EDARADD: variants seen among roughly 807,000 people sequenced by gnomAD.
The protein encoded by EDARADD is EDAR associated via death domain, also known as ectodysplasin-A receptor-associated adapter protein.
EDARADD carries 20 observed loss-of-function variants against 25.6 expected under a neutral mutation model. The ratio of observed to expected loss-of-function variants is 0.78; its 90% CI spans 0.55 to 1.14. EDARADD has a LOEUF of 1.14. Among genes scored for constraint, EDARADD ranks in the 50% most tolerant of loss-of-function variants. The pLI, the probability that EDARADD is intolerant of heterozygous loss-of-function variation, is 0.00. For synonymous variants in EDARADD, 86 were observed against 94.4 expected (o/e 0.91, Z 0.52); for missense variants, 225 against 270.1 (o/e 0.83, Z 1.17).
chr1:236,393,278 C>T (rs1667449631), upstream of EDARADD, among the ~76,000 whole-genome samples: 1 of 151,062 alleles, frequency 6.6e-6, no homozygotes. Flanking sequence ...GGAGGTCACT[C>T]AAAGAGCAGT....
At chr1:236,414,198 C>G in intron 2 of EDARADD, 62 bp from the exon 3 acceptor site, 1 of 1,424,546 alleles carries the variant, frequency 7.0e-7, no homozygotes, top group Non-Finnish European at 9.9e-7. Context: ...ACAAAGCTTT[C>G]TTTTCACTTT....
upstream of EDARADD, among the ~76,000 whole-genome samples, chr1:236,392,167 C>A (rs1290689371): frequency 1.3e-5 from 2 of 152,138 alleles, no homozygotes; most frequent in Non-Finnish European, 2.9e-5. Flanking sequence ...CCAATCAATC[C>A]ATTGCTCCAT....
intron 3 of EDARADD, among the ~76,000 whole-genome samples, chr1:236,352,719 G>T (rs1166926147): frequency 1.3e-5 from 2 of 152,152 alleles, no homozygotes; most frequent in African/African-American, 2.4e-5. Flanking sequence ...GTGGTGGTGG[G>T]CACCTGTAAT....
intron 4 of EDARADD, among the ~76,000 whole-genome samples, chr1:236,445,077 C>A (rs1433615736): frequency 6.6e-6 from 1 of 151,866 alleles, no homozygotes; most frequent in Non-Finnish European, 1.5e-5. Flanking sequence ...ATCTTGTATC[C>A]TGCCACTCTG....
chr1:236,444,016 G>C (rs558024553), intron 4 of EDARADD, among the ~76,000 whole-genome samples: 1 of 152,124 alleles, frequency 6.6e-6, no homozygotes, highest in Non-Finnish European at 1.5e-5. Context: ...TGAGCAGTCA[G>C]CAGCCATCAG....
At position 236,476,413 on chromosome 1, in the gene EDARADD, A is replaced by G. The variant is rs182161725; in HGVS notation, c.266-5854A>G. On this transcript the variant is annotated intron_variant, in intron 5 of 5. Transcript: ENST00000334232. ...AAAAAATGTATATTTTAGGCCAGGC[A>G]CAGGGCTCACACCTGTAATCCCAGC... Among the ~76,000 whole-genome samples the G allele has an allele frequency of 5.9e-5, 9 of 152,218 alleles. No homozygotes were observed. The East Asian group carries it at 1.6e-3, about 26-fold the overall frequency.
intron 3 of EDARADD, among the ~76,000 whole-genome samples, chr1:236,381,559 A>G (rs973616851): frequency 3.3e-5 from 5 of 151,768 alleles, no homozygotes; most frequent in South Asian, 2.1e-4. Flanking sequence ...AATTGTTTTC[A>G]TTAGTTTTAT....
At chr1:236,358,697 A>C (rs1667011681) in intron 3 of EDARADD, among the ~76,000 whole-genome samples, 2 of 152,266 alleles carry the variant, frequency 1.3e-5, no homozygotes, top group South Asian at 4.1e-4. Context: ...GAGTTTCTTA[A>C]TCTTGAGTTC....
chr1:236,358,542 C>T (rs1457255792), intron 3 of EDARADD, among the ~76,000 whole-genome samples: 1 of 152,196 alleles, frequency 6.6e-6, no homozygotes, highest in Non-Finnish European at 1.5e-5. Flanking sequence ...ACAGCTTTAG[C>T]TGCATCCCAG....
At chr1:236,405,072 C>CTG (rs781091159) in intron 1 of EDARADD, among the ~76,000 whole-genome samples, 37 of 151,562 alleles carry the variant, frequency 2.4e-4, no homozygotes, top group Non-Finnish European at 5.2e-4. Context: ...CCAGCCTGGG[C>CTG]GACAGAGTGA....
At chr1:236,452,532 A>C (rs1658743381) in intron 4 of EDARADD, among the ~76,000 whole-genome samples, 1 of 151,884 alleles carries the variant, frequency 6.6e-6, no homozygotes, top group Non-Finnish European at 1.5e-5. Context: ...CTGCCATGTA[A>C]GACGTGCCCT....
upstream of EDARADD, among the ~76,000 whole-genome samples, chr1:236,392,046 C>T (rs1024141717): frequency 6.6e-6 from 1 of 152,132 alleles, no homozygotes; most frequent in Non-Finnish European, 1.5e-5. Flanking sequence ...CTCTTTTGAC[C>T]ACAAACTCCT....
At chr1:236,434,814 G>A (rs1288136719) in intron 4 of EDARADD, among the ~76,000 whole-genome samples, 1 of 152,160 alleles carries the variant, frequency 6.6e-6, no homozygotes, top group South Asian at 2.1e-4. Flanking sequence ...GGGATTTTCA[G>A]TGATTTTCTC....
In EDARADD at chr1:236,397,114, G is replaced by A. The variant is rs115800328; in HGVS notation, c.61+2609G>A. On this transcript the variant is annotated intron_variant, in intron 1 of 5. Coordinates refer to ENST00000334232, the MANE Select transcript of EDARADD (RefSeq NM_145861.4). ...AACAGCTCAGCAGTGACCACAGTGT[G>A]TAAAAAGCTCAGTGGCTGGGTGCAG... Among the ~76,000 whole-genome samples, 693 of 152,200 alleles carry A rather than the reference G, an allele frequency of 4.6e-3. 5 individuals are homozygous for A. Among genetic ancestry groups the A allele is most frequent in the African/African-American group, 0.016 (664 of 41,534 alleles).
At chr1:236,463,059 C>CAG (rs899675024) in intron 4 of EDARADD, among the ~76,000 whole-genome samples, 1 of 107,648 alleles carries the variant, frequency 9.3e-6, no homozygotes, top group African/African-American at 3.5e-5. Context: ...TTAATTTACA[C>CAG]ACACATTTAA....
chr1:236,355,813 T>C (rs1666969834), intron 3 of EDARADD, among the ~76,000 whole-genome samples: 1 of 151,862 alleles, frequency 6.6e-6, no homozygotes, highest in Non-Finnish European at 1.5e-5. Context: ...CCTGGCTCAC[T>C]CATTCTCTTC....
chr1:236,460,883 C>T (rs934603272), intron 4 of EDARADD, among the ~76,000 whole-genome samples: 1 of 151,920 alleles, frequency 6.6e-6, no homozygotes, highest in Non-Finnish European at 1.5e-5. Context: ...AGTCCACTGG[C>T]GCGATCTTGG....
At chr1:236,357,149 T>TA (rs1480736931) in intron 3 of EDARADD, among the ~76,000 whole-genome samples, 2 of 152,036 alleles carry the variant, frequency 1.3e-5, no homozygotes, top group Admixed American at 6.6e-5. Context: ...CATTAAAACT[T>TA]AATCTTTGAG....
At position 236,395,442 on chromosome 1, in the gene EDARADD, T is replaced by C; in HGVS notation, c.61+937T>C. 1 of 1,469,504 alleles carries C rather than the reference T, an allele frequency of 6.8e-7. No individual in the cohort carries two copies. Among genetic ancestry groups the C allele is most frequent in the Non-Finnish European group, 9.0e-7 (1 of 1,112,200 alleles). 91.0% of individuals were successfully genotyped at this position (1,469,504 alleles called of 1,614,324 possible). On this transcript the variant is annotated intron_variant, in intron 1 of 5. Coordinates refer to ENST00000334232, the MANE Select transcript of EDARADD (RefSeq NM_145861.4). This position sits in a 1 kb window ranked among gnomAD's most constrained non-coding sequence, Gnocchi z 6.9. ...ATTGCCAAAGCAGGAAGTGAGCTCGTGGAAGAAGCGAAGGAGGAGAAGAAG... is the reference window on the plus strand; with the variant it reads ...ATTGCCAAAGCAGGAAGTGAGCTCGCGGAAGAAGCGAAGGAGGAGAAGAAG...
Sources: gnomAD v4.1 joint callset for allele counts (sites outside exome capture counted in the v4.1 genomes callset) on GRCh38, gnomAD v4.1.1 for gene constraint, Gnocchi (gnomAD v3.1) non-coding constraint, MANE v1.5 for transcripts, NCBI Gene and HGNC (gene_info 2026-07-23, HGNC 2026-07-21) for gene names.